The following GABRR1 variants were observed in gnomAD, a reference collection of about 807,000 sequenced individuals.
The protein encoded by GABRR1 is gamma-aminobutyric acid type A receptor subunit rho1.
GABRR1 carries 59 observed loss-of-function variants against 55.5 expected under a neutral mutation model. That is an observed-to-expected ratio of 1.06 (90% CI 0.86 to 1.32). The LOEUF (loss-of-function observed/expected upper bound fraction) is 1.32, where lower values mean the gene tolerates loss of function less well. Among genes scored for constraint, GABRR1 ranks in the 40% most tolerant of loss-of-function variants. GABRR1 has a pLI of 0.00. For missense variants in GABRR1, 602 were observed against 619.1 expected (o/e 0.97, Z 0.29); for synonymous variants, 213 against 226.0 (o/e 0.94, Z 0.51).
At chr6:89,214,778 A>G (rs1334252820) in intron 1 of GABRR1, among the ~76,000 whole-genome samples, 1 of 152,196 alleles carries the variant, frequency 6.6e-6, no homozygotes, top group African/African-American at 2.4e-5. Flanking sequence ...TAATCCTGGC[A>G]CTTTCGGAGG....
intron 1 of GABRR1, among the ~76,000 whole-genome samples, chr6:89,205,266 A>T (rs921261286): frequency 1.3e-5 from 2 of 152,234 alleles, no homozygotes; most frequent in African/African-American, 4.8e-5. Flanking sequence ...TGGCCACAGC[A>T]TCACGTTGGA....
intron 1 of GABRR1, among the ~76,000 whole-genome samples, chr6:89,212,419 G>T (rs1772854935): frequency 2.9e-5 from 1 of 34,750 alleles, no homozygotes; most frequent in Non-Finnish European, 7.8e-5. Flanking sequence ...GAGCAAGCAA[G>T]CATCGTCTCT....
Position 89,201,186 on chromosome 6 carries a change from C to T in GABRR1, c.253G>A (p.Asp85Asn), listed in dbSNP as rs752558020. 6.2e-7 allele frequency: 1 copy of T among 1,613,976 alleles called. No individual in the cohort carries two copies. The highest frequency in any genetic ancestry group is 1.3e-5 in the African/African-American group (1 of 74,936). Residue 85 changes from aspartate to asparagine, a missense_variant, in exon 3 of 10, where the codon GAT becomes AAT. Physicochemically the swap from Asp to Asn is conservative, Grantham distance 23. Coordinates refer to ENST00000454853, the MANE Select transcript of GABRR1 (RefSeq NM_002042.5). ...CCAAAGCCAGGCCTCATGCTGAAAT[C>T]ATGGTCATCTATCCTCAGAAGCTGT... The part of the protein sequence containing the change: ...SEQLLRIDDH[D>N]FSMRPGFGGP...
chr6:89,222,807 A>G (rs536043233), intron 1 of GABRR1, among the ~76,000 whole-genome samples: 22 of 152,332 alleles, frequency 1.4e-4, no homozygotes, highest in African/African-American at 5.1e-4. Flanking sequence ...GATGGACAGG[A>G]AGCCTCAATT....
chr6:89,195,860 G>A (rs184147920), intron 5 of GABRR1, among the ~76,000 whole-genome samples: 314 of 152,298 alleles, frequency 2.1e-3, no homozygotes, highest in Non-Finnish European at 3.3e-3. Flanking sequence ...CTTGAAATCA[G>A]CCACGATGGG....
chr6:89,207,963 G>C (rs1281365200), intron 1 of GABRR1, among the ~76,000 whole-genome samples: 2 of 152,220 alleles, frequency 1.3e-5, no homozygotes, highest in African/African-American at 2.4e-5. Context: ...CTTCTCTCCA[G>C]GTCTGTTTCC....
upstream of GABRR1, among the ~76,000 whole-genome samples, chr6:89,218,409 G>A (rs553112579): frequency 6.6e-6 from 1 of 152,116 alleles, no homozygotes; most frequent in Non-Finnish European, 1.5e-5. Context: ...TTCCCAGATC[G>A]TAAGAAGCCT....
chr6:89,217,707 G>T (rs10455503), upstream of GABRR1: 60,732 of 175,332 alleles, frequency 0.35, 11,350 homozygotes, highest in African/African-American at 0.46. Flanking sequence ...GGCCAGAGGT[G>T]CGGAACTGCT....
At position 89,181,963 on chromosome 6, in the gene GABRR1, C is replaced by T. The variant is rs1771737924; in HGVS notation, c.891G>A (p.Met297Ile). 2 of 1,614,108 alleles carry T rather than the reference C, an allele frequency of 1.2e-6. 1 individual carries two copies. The highest frequency in any genetic ancestry group is 2.2e-5 in the South Asian group (2 of 91,070). ...CGATCCAGAAGGACACCCAGGACAGCATGACCATCAGGGTAGCGGGGAAAT... is the reference window on the plus strand; with the variant it reads ...CGATCCAGAAGGACACCCAGGACAGTATGACCATCAGGGTAGCGGGGAAAT... The part of the protein sequence containing the change: ...QTYFPATLMV[M>I]LSWVSFWIDR... Residue 297 changes from methionine to isoleucine, a missense_variant, in exon 8 of 10, where the codon ATG becomes ATA. Met to Ile is a conservative substitution (Grantham distance 10). This residue lies in a region of GABRR1 where 435 missense variants were observed against 424.2 expected (regional missense o/e 1.03). Transcript: ENST00000454853.
chr6:89,194,596 T>C (rs1236283614), intron 5 of GABRR1, among the ~76,000 whole-genome samples: 1 of 151,884 alleles, frequency 6.6e-6, no homozygotes, highest in East Asian at 1.9e-4. Context: ...AAATAGCAAT[T>C]TTAAGGAAGT....
intron 6 of GABRR1, among the ~76,000 whole-genome samples, chr6:89,188,258 A>G (rs1473438576): frequency 1.3e-5 from 2 of 152,112 alleles, no homozygotes; most frequent in African/African-American, 4.8e-5. Context: ...TTCTGGGCTC[A>G]AGTGATCCTC....
At chr6:89,219,835 G>T (rs1443833659), upstream of GABRR1, among the ~76,000 whole-genome samples, 1 of 152,120 alleles carries the variant, frequency 6.6e-6, no homozygotes, top group Non-Finnish European at 1.5e-5. Flanking sequence ...TAAATAATGA[G>T]TTAAATAAAA....
In GABRR1 at chr6:89,181,952, A is replaced by G; in HGVS notation, c.902T>C (p.Val301Ala). ...PATLMVMLSW[V>A]SFWIDRRAVP... ...GGCTCTGCGGTCGATCCAGAAGGAC[A>G]CCCAGGACAGCATGACCATCAGGGT... The change falls in exon 8 of 10, where the codon GTG becomes GCG. Residue 301 changes from valine to alanine, a missense_variant. Physicochemically the swap from Val to Ala is moderately conservative, Grantham distance 64 (BLOSUM62 0). Coordinates refer to ENST00000454853, the MANE Select transcript of GABRR1 (RefSeq NM_002042.5). 2 of 1,614,176 alleles carry G rather than the reference A, an allele frequency of 1.2e-6. No individual in the cohort carries two copies. Among genetic ancestry groups the G allele is most frequent in the Non-Finnish European group, 8.5e-7 (1 of 1,180,006 alleles).
chr6:89,221,533 T>A (rs1273887094), upstream of GABRR1: 1 of 152,220 alleles, frequency 6.6e-6, no homozygotes, highest in Non-Finnish European at 1.5e-5. Context: ...TATTAGATAT[T>A]AGAAGTAATC....
At chr6:89,198,337 G>T in intron 4 of GABRR1, 94 bp from the exon 5 acceptor site, 1 of 947,614 alleles carries the variant, frequency 1.1e-6, no homozygotes, top group Non-Finnish European at 1.7e-6. Context: ...ACTTGGCTGG[G>T]GAATGAAACC....
chr6:89,206,392 C>T (rs2127802975), intron 1 of GABRR1, among the ~76,000 whole-genome samples: 1 of 152,278 alleles, frequency 6.6e-6, no homozygotes, highest in Non-Finnish European at 1.5e-5. Context: ...TGCTTTGCTC[C>T]CGATGTCCCA....
intron 7 of GABRR1, among the ~76,000 whole-genome samples, chr6:89,184,583 A>AC (rs925869518): frequency 6.6e-6 from 1 of 152,026 alleles, no homozygotes; most frequent in South Asian, 2.1e-4. Context: ...GAGTGGAGCG[A>AC]CCCCACGGGG....
At chr6:89,201,397 C>T in intron 2 of GABRR1, 132 bp from the exon 3 acceptor site, 1 of 624,606 alleles carries the variant, frequency 1.6e-6, no homozygotes. Context: ...TTGGACATCC[C>T]CTCTTTCTTT....
intron 9 of GABRR1, among the ~76,000 whole-genome samples, chr6:89,179,960 C>A (rs1188172051): frequency 6.6e-6 from 1 of 152,092 alleles, no homozygotes; most frequent in East Asian, 1.9e-4. Context: ...TAATTTGTCC[C>A]ACTATGTTAA....
Sources: gnomAD v4.1 joint callset for allele counts (sites outside exome capture counted in the v4.1 genomes callset) on GRCh38, gnomAD v4.1.1 for gene constraint, gnomAD v4.1.1 regional missense constraint, MANE v1.5 for transcripts, NCBI Gene and HGNC (gene_info 2026-07-23, HGNC 2026-07-21) for gene names.